Variants in GALNT2 observed in about 807,000 individuals in gnomAD.
GALNT2 encodes polypeptide N-acetylgalactosaminyltransferase 2, also known as UDP-GalNAc:polypeptide N-acetylgalactosaminyltransferase 2.
In GALNT2, 31 loss-of-function variants were observed where a neutral mutation model predicts 81.4. The ratio of observed to expected loss-of-function variants is 0.38; its 90% confidence interval spans 0.29 to 0.51. The LOEUF is 0.51. GALNT2 is among the 20% of genes least tolerant of loss of function. The pLI, the probability that GALNT2 is intolerant of heterozygous loss-of-function variation, is 0.87. For synonymous variants in GALNT2, 303 were observed against 287.4 expected, an observed-to-expected ratio of 1.05 and a Z score of -0.55; for missense variants, 629 against 765.7, an observed-to-expected ratio of 0.82 and a Z score of 2.11.
At chr1:230,062,302 T>C (rs1378796801), upstream of GALNT2, among the ~76,000 whole-genome samples, 2 of 152,168 alleles carry the variant, frequency 1.3e-5, no homozygotes, top group African/African-American at 4.8e-5. Context: ...GATATTACCT[T>C]TTTATCTATA....
intron 1 of GALNT2, among the ~76,000 whole-genome samples, chr1:230,152,165 A>G (rs937353348): frequency 2.5e-4 from 38 of 152,194 alleles, no homozygotes. Flanking sequence ...GCAGCCCAGT[A>G]GGTTTTAGCC....
In GALNT2 at chr1:230,246,254, C is replaced by T. The variant is rs376104207; in HGVS notation, c.817+104C>T. The stretch of plus-strand genomic sequence containing the variant: ...GGAGTGACAGTGACAACAGTGTTCA[C>T]GCCGTAGTGTGTGTTCTGAGTAAAA... On this transcript the variant is annotated intron_variant, in intron 8 of 15. Transcript: ENST00000366672. 129 of 899,596 alleles carry T rather than the reference C, an allele frequency of 1.4e-4. 1 individual carries two copies. The highest frequency in any genetic ancestry group is 4.4e-4 in the East Asian group (18 of 41,088). 55.7% of individuals were successfully genotyped at this position (899,596 alleles called of 1,614,324 possible). A position where few individuals can be genotyped will look rare whatever the true frequency, so the allele number is the denominator to read the frequency against.
In GALNT2 at chr1:230,070,706, C is replaced by T. The variant is rs1299526466; in HGVS notation, c.126+3300C>T. On this transcript the variant is annotated intron_variant, in intron 1 of 15. Transcript: ENST00000366672. This position sits in a 1 kb window ranked among gnomAD's most constrained non-coding sequence, Gnocchi z 4.7. ...ATCTTCTAGGAATCATGCGGGGAGG[C>T]GGGCAGGTTATTTCTTGGAACAGTG... Among the ~76,000 whole-genome samples the T allele has an allele frequency of 1.3e-5, 2 of 152,038 alleles. No homozygotes were observed. Among genetic ancestry groups the T allele is most frequent in the South Asian group, 2.1e-4 (1 of 4,828 alleles).
At chr1:230,059,143 G>A (rs1658985034) in intron 1 of GALNT2, among the ~76,000 whole-genome samples, 1 of 152,214 alleles carries the variant, frequency 6.6e-6, no homozygotes, top group South Asian at 2.1e-4. Flanking sequence ...TTATAAGAAA[G>A]GTTCTATTGT....
rs189410364 is a variant in GALNT2 at position 230,275,996 on chromosome 1, C to T, written c.1560+1432C>T. ...ACATATATATACGTATATATACATG[C>T]CACATATATATACGTATATATACAT... On this transcript the variant is annotated intron_variant, in intron 15 of 15. Coordinates refer to ENST00000366672, the MANE Select transcript of GALNT2 (RefSeq NM_004481.5). The surrounding 1 kb of genome is among the most constrained non-coding windows in gnomAD (Gnocchi z 5.5). Among the ~76,000 whole-genome samples the T allele has an allele frequency of 7.2e-4, 54 of 74,490 alleles. 3 individuals carry two copies. Among genetic ancestry groups the T allele is most frequent in the African/African-American group, 4.3e-3 (49 of 11,320 alleles). 48.9% of individuals were successfully genotyped at this position (74,490 alleles called of 152,430 possible).
At chr1:230,252,578 G>A (rs980670955) in intron 10 of GALNT2, among the ~76,000 whole-genome samples, 5 of 152,250 alleles carry the variant, frequency 3.3e-5, no homozygotes, top group African/African-American at 1.2e-4. Context: ...GAACCAAGAT[G>A]TAAACACTAA....
chr1:230,101,937 G>A (rs1011779278), intron 1 of GALNT2, among the ~76,000 whole-genome samples: 5 of 152,188 alleles, frequency 3.3e-5, no homozygotes, highest in African/African-American at 1.2e-4. Context: ...CCAGACAGAA[G>A]CACAAAAAGT....
intron 3 of GALNT2, among the ~76,000 whole-genome samples, chr1:230,208,481 T>G (rs1439959874): frequency 6.6e-6 from 1 of 152,182 alleles, no homozygotes; most frequent in Non-Finnish European, 1.5e-5. Flanking sequence ...TGGTGGGATA[T>G]GTGTCTGGTG....
intron 1 of GALNT2, among the ~76,000 whole-genome samples, chr1:230,067,903 G>A (rs1659248658): frequency 2.0e-5 from 3 of 152,188 alleles, no homozygotes; most frequent in Non-Finnish European, 4.4e-5. Context: ...CGTGGGTTCC[G>A]TGTTTCTGCC....
chr1:230,067,189 C>A, upstream of GALNT2: 1 of 768,206 alleles, frequency 1.3e-6, no homozygotes, highest in Non-Finnish European at 1.7e-6. Context: ...CTTCCCCTTC[C>A]TCCGCTCCTC....
At chr1:230,147,634 G>C (rs1024476783) in intron 1 of GALNT2, among the ~76,000 whole-genome samples, 1 of 152,228 alleles carries the variant, frequency 6.6e-6, no homozygotes, top group Non-Finnish European at 1.5e-5. Context: ...TCGATTCTGC[G>C]AACAGTGGCT....
intron 3 of GALNT2, among the ~76,000 whole-genome samples, chr1:230,232,970 AAAG>A (rs1326982913): frequency 6.6e-6 from 1 of 152,180 alleles, no homozygotes; most frequent in African/African-American, 2.4e-5. Flanking sequence ...AACTATAATA[AAAG>A]AAGCCCATTT....
chr1:230,193,309 A>C lies in GALNT2; in HGVS notation c.221-9828A>C, dbSNP rs1663585809. On this transcript the variant is annotated intron_variant, in intron 2 of 15. Coordinates refer to ENST00000366672, the MANE Select transcript of GALNT2 (RefSeq NM_004481.5). The surrounding 1 kb of genome is among the most constrained non-coding windows in gnomAD (Gnocchi z 4.3). ...CAGTTTCCTGCACAACGGGACCTGC[A>C]TCCAGGAAGATACCTCCCCTCCCCT... Among the ~76,000 whole-genome samples, 1 of 152,206 alleles carries C rather than the reference A, an allele frequency of 6.6e-6. No individual in the cohort carries two copies. The highest frequency in any genetic ancestry group is 2.1e-4 in the South Asian group (1 of 4,834).
At chr1:230,202,629 C>T (rs985870339) in intron 2 of GALNT2, among the ~76,000 whole-genome samples, 1 of 152,206 alleles carries the variant, frequency 6.6e-6, no homozygotes, top group Non-Finnish European at 1.5e-5. Flanking sequence ...AAAAGGACCC[C>T]TTGACAAGGT....
chr1:230,236,855 C>G (rs950102681), intron 6 of GALNT2, 130 bp downstream of exon 6: 2 of 757,046 alleles, frequency 2.6e-6, no homozygotes, highest in Non-Finnish European at 4.1e-6. Flanking sequence ...ACCAGAGCCG[C>G]TTGGGAGACT....
At chr1:230,122,404 G>A (rs1185941100) in intron 1 of GALNT2, among the ~76,000 whole-genome samples, 19 of 152,106 alleles carry the variant, frequency 1.2e-4, no homozygotes, top group East Asian at 1.9e-4. Context: ...TGGCTGCTCC[G>A]CTGCTCCTCT....
intron 7 of GALNT2, among the ~76,000 whole-genome samples, chr1:230,245,612 A>G (rs1665344500): frequency 6.6e-6 from 1 of 152,248 alleles, no homozygotes; most frequent in South Asian, 2.1e-4. Flanking sequence ...ACACTCCCAC[A>G]TAGAAATATA....
At chr1:230,206,760 A>G (rs1300011363) in intron 3 of GALNT2, among the ~76,000 whole-genome samples, 1 of 152,198 alleles carries the variant, frequency 6.6e-6, no homozygotes, top group Non-Finnish European at 1.5e-5. Context: ...ATTAAGAATG[A>G]GGTGTTTGGA....
At chr1:230,167,308 G>C (rs1324724967) in intron 1 of GALNT2, among the ~76,000 whole-genome samples, 1 of 151,988 alleles carries the variant, frequency 6.6e-6, no homozygotes, top group East Asian at 1.9e-4. Context: ...CCCACACCTG[G>C]CTAATTTTTA....
Sources: allele counts gnomAD v4.1 joint callset (sites outside exome capture counted in the v4.1 genomes callset), GRCh38; gene constraint gnomAD v4.1.1; non-coding constraint Gnocchi (gnomAD v3.1); transcripts MANE v1.5; gene names NCBI Gene and HGNC (gene_info 2026-07-23, HGNC 2026-07-21).